The following KLC2 variants were observed in gnomAD, a reference collection of about 807,000 sequenced individuals.
KLC2 encodes the protein KLC 2.
In KLC2, 35 loss-of-function variants were observed where a neutral mutation model predicts 75.1. The observed-to-expected ratio is 0.47, with a 90% CI of 0.36 to 0.62. The LOEUF (loss-of-function observed/expected upper bound fraction) is 0.62, where lower values mean the gene tolerates loss of function less well. Among genes scored for constraint, KLC2 ranks in the 20% least tolerant of loss-of-function variants. The pLI is 0.00. For synonymous variants in KLC2, 314 were observed against 336.7 expected (o/e 0.93, Z 0.74); for missense variants, 611 against 833.2 (o/e 0.73, Z 3.28).
At chr11:66,256,908 C>A (rs1430335234), upstream of KLC2, among the ~76,000 whole-genome samples, 1 of 152,132 alleles carries the variant, frequency 6.6e-6, no homozygotes, top group Admixed American at 6.5e-5. Flanking sequence ...CCCAGACGGA[C>A]AAGCTAGACT....
At chr11:66,263,137 C>A in intron 5 of KLC2, 101 bp downstream of exon 5, 1 of 804,274 alleles carries the variant, frequency 1.2e-6, no homozygotes, top group Non-Finnish European at 2.0e-6. Flanking sequence ...GGCCCACCTG[C>A]GTGGAGCTGG....
In KLC2 at chr11:66,262,137, C is replaced by T. The variant is rs868457311; in HGVS notation, c.474C>T (p.Asp158=). The change falls in exon 4 of 16, where the codon GAC becomes GAT. Residue 158 remains aspartate, a synonymous_variant. Coordinates refer to ENST00000394067, the MANE Select transcript of KLC2 (RefSeq NM_001318734.2). ...EDASPNEEKG[D]VPKDTLDDLF... is the part of the protein sequence containing the mutation. Reference sequence around the variant, plus strand: ...TTCCTTCCCAGGAGGAGAAGGGGGACGTCCCCAAAGACACACTGGATGACC... The same window carrying T: ...TTCCTTCCCAGGAGGAGAAGGGGGATGTCCCCAAAGACACACTGGATGACC... The T allele has an allele frequency of 7.4e-6, 12 of 1,613,270 alleles. No individual in the cohort carries two copies. The highest frequency in any genetic ancestry group is 2.2e-5 in the East Asian group (1 of 44,882).
In KLC2 at chr11:66,265,698, C is replaced by A; in HGVS notation, c.1378C>A (p.Arg460=). The change falls in exon 12 of 16, where the codon CGG becomes AGG. Residue 460 remains arginine, a synonymous_variant. Transcript: ENST00000394067. The part of the protein sequence containing the change: ...TTLRSLGALY[R]RQGKLEAAHT... ...CCTGCGCAGCTTGGGGGCCCTATAC[C>A]GGCGCCAGGGCAAGCTGGAAGCCGC... The A allele has an allele frequency of 6.2e-7, 1 of 1,613,882 alleles. No individual in the cohort carries two copies. Among genetic ancestry groups the A allele is most frequent in the East Asian group, 2.2e-5 (1 of 44,884 alleles).
chr11:66,250,242 C>T, the KLC2 span, among the ~76,000 whole-genome samples: 1 of 152,148 alleles, frequency 6.6e-6, no homozygotes, highest in Non-Finnish European at 1.5e-5. Flanking sequence ...GTCTCTGTAC[C>T]ACATTCGAAT....
rs1458348515 is a variant in KLC2 at position 66,266,031 on chromosome 11, C to G, written c.1602+19C>G. ...GAATGGGGTGAGTCCGGGGCCTGGG[C>G]CGGGTCGGGCTGGGAGCCTAGGTGG... On this transcript the variant is annotated intron_variant, in intron 13 of 15. Coordinates refer to ENST00000394067, the MANE Select transcript of KLC2 (RefSeq NM_001318734.2). 2.5e-6 allele frequency: 4 copies of G among 1,613,332 alleles called. No homozygotes were observed. Among genetic ancestry groups the G allele is most frequent in the Non-Finnish European group, 3.4e-6 (4 of 1,179,540 alleles).
intron 7 of KLC2, 36 bp from the exon 8 acceptor site, chr11:66,264,010 C>T: frequency 6.2e-6 from 10 of 1,610,926 alleles, no homozygotes; most frequent in Non-Finnish European, 8.5e-6. Context: ...CCCGGGCAGC[C>T]CTGAGCCCAA....
chr11:66,244,744 C>G, the KLC2 span: 1 of 152,258 alleles, frequency 6.6e-6, no homozygotes, highest in Non-Finnish European at 1.5e-5. Context: ...TTCTTACCGA[C>G]TGCCTTGGGC....
In KLC2 at chr11:66,266,490, G is replaced by C. The variant is rs761924932; in HGVS notation, c.1785G>C (p.Gln595His). Residue 595 changes from glutamine to histidine, a missense_variant and splice_region_variant, in exon 15 of 16, where the codon CAG (glutamine) becomes CAC (histidine). Transcript: ENST00000394067. Reference protein sequence around the residue: ...FLNKSVEEPTQPGGTGLSDSR... With the variant: ...FLNKSVEEPTHPGGTGLSDSR... ...ACAAGAGCGTGGAAGAGCCGACCCA[G>C]GTAGGGGCAGGCGGGTGTCTGGGCA... The C allele has an allele frequency of 6.2e-7, 1 of 1,614,000 alleles. No homozygotes were observed. Among genetic ancestry groups the C allele is most frequent in the Admixed American group, 1.7e-5 (1 of 60,018 alleles).
chr11:66,250,955 G>A, the KLC2 span, among the ~76,000 whole-genome samples: 1 of 152,174 alleles, frequency 6.6e-6, no homozygotes, highest in Admixed American at 6.5e-5. Flanking sequence ...GAGAGACAGG[G>A]GAGCTGGCGA....
At chr11:66,257,489 G>T (rs1386679947), upstream of KLC2, 1 of 152,200 alleles carries the variant, frequency 6.6e-6, no homozygotes, top group African/African-American at 2.4e-5. Flanking sequence ...GCCACACTAG[G>T]TACCTTCGGG....
chr11:66,249,918 G>T, the KLC2 span, among the ~76,000 whole-genome samples: 1 of 152,044 alleles, frequency 6.6e-6, no homozygotes, highest in African/African-American at 2.4e-5. Context: ...TACCTTCCTC[G>T]CATAGAGTAT....
chr11:66,262,278 C>A, intron 4 of KLC2, 86 bp downstream of exon 4: 1 of 1,046,818 alleles, frequency 9.6e-7, no homozygotes, highest in South Asian at 1.3e-5. Flanking sequence ...ATGTTCCTTC[C>A]TGCCTCACTT....
chr11:66,265,822 T>C (rs1273597056), intron 12 of KLC2, 32 bp from the exon 13 acceptor site: 1 of 1,594,044 alleles, frequency 6.3e-7, no homozygotes, highest in Non-Finnish European at 8.6e-7. Context: ...GTGTGGTCCA[T>C]TCACTGCCTG....
chr11:66,265,023 G>A lies in KLC2; in HGVS notation c.1217G>A (p.Gly406Glu). Residue 406 changes from glycine to glutamate, a missense_variant and splice_region_variant, in exon 10 of 16, where the codon GGG (glycine) becomes GAG (glutamate). By Grantham distance (98) the Gly-to-Glu change is moderately conservative. Coordinates refer to ENST00000394067, the MANE Select transcript of KLC2 (RefSeq NM_001318734.2). ...GTGACAGTCCCCTTTCTCTCCCCAG[G>A]GGACAACAAGCCCATCTGGATGCAC... ...AHEKEFGSVN[G>E]DNKPIWMHAE... is the part of the protein sequence containing the mutation. The A allele has an allele frequency of 6.2e-7, 1 of 1,613,246 alleles. No individual in the cohort carries two copies. Among genetic ancestry groups the A allele is most frequent in the Non-Finnish European group, 8.5e-7 (1 of 1,179,468 alleles).
At chr11:66,262,671 T>C (rs2134818086) in intron 4 of KLC2, 143 bp from the exon 5 acceptor site, 1 of 648,144 alleles carries the variant, frequency 1.5e-6, no homozygotes, top group East Asian at 2.6e-5. Context: ...ACTAGACCCA[T>C]TCTATAAATG....
the KLC2 span, among the ~76,000 whole-genome samples, chr11:66,245,288 T>A: frequency 3.3e-5 from 5 of 152,186 alleles, no homozygotes; most frequent in Non-Finnish European, 7.3e-5. Flanking sequence ...CATGAAGAAG[T>A]GCCCAGAGGT....
At chr11:66,247,124 C>T in the KLC2 span, among the ~76,000 whole-genome samples, 1 of 152,182 alleles carries the variant, frequency 6.6e-6, no homozygotes, top group African/African-American at 2.4e-5. Flanking sequence ...TCCTCGATTC[C>T]TGTTTCTCTT....
At chr11:66,264,670 G>A (rs1856689615) in intron 9 of KLC2, 3 of 590,134 alleles carry the variant, frequency 5.1e-6, no homozygotes, top group South Asian at 4.0e-5. Context: ...ACACGCCTTT[G>A]CATCCCCCTT....
chr11:66,265,933 G>T lies in KLC2; in HGVS notation c.1523G>T (p.Ser508Ile), dbSNP rs1590874650. ...GSGRRGDRRS[S>I]RDMAGGAGPR... ...GGCAGGCGGGGAGACCGCCGCAGCA[G>T]CCGAGACATGGCTGGGGGTGCCGGG... Residue 508 changes from serine to isoleucine, a missense_variant, in exon 13 of 16, where the codon AGC (serine) becomes ATC (isoleucine). By Grantham distance (142) the Ser-to-Ile change is moderately radical. Coordinates refer to ENST00000394067, the MANE Select transcript of KLC2 (RefSeq NM_001318734.2). 6.3e-7 allele frequency: 1 copy of T among 1,594,062 alleles called. No homozygotes were observed.
Sources: allele counts gnomAD v4.1 joint callset (sites outside exome capture counted in the v4.1 genomes callset), GRCh38; gene constraint gnomAD v4.1.1; transcripts MANE v1.5; gene names NCBI Gene and HGNC (gene_info 2026-07-23, HGNC 2026-07-21).